CEP128: variants seen among roughly 807,000 people sequenced by gnomAD.
The protein encoded by CEP128 is centrosomal protein 128kDa.
In CEP128, 132 loss-of-function variants were observed where a neutral mutation model predicts 156.7. That is an observed-to-expected ratio of 0.84 (90% CI 0.73 to 0.97). CEP128 has a LOEUF of 0.97. Among genes scored for constraint, CEP128 ranks in the 50% least tolerant of loss-of-function variants. The pLI, the probability that CEP128 is intolerant of heterozygous loss-of-function variation, is 0.00. For synonymous variants in CEP128, 469 were observed against 448.9 expected (o/e 1.04, Z -0.57); for missense variants, 1,252 against 1,281.9 (o/e 0.98, Z 0.36).
At chr14:80,838,901 C>A (rs558879372) in intron 10 of CEP128, among the ~76,000 whole-genome samples, 42 of 151,920 alleles carry the variant, frequency 2.8e-4, no homozygotes, top group African/African-American at 8.5e-4. Flanking sequence ...AGATCAAGAC[C>A]ATCCTGGCTA....
intron 13 of CEP128, among the ~76,000 whole-genome samples, chr14:80,815,524 A>G (rs1884800907): frequency 6.6e-6 from 1 of 152,232 alleles, no homozygotes; most frequent in Admixed American, 6.5e-5. Flanking sequence ...AAAAATAACT[A>G]AAAAATAGAA....
At chr14:80,709,798 T>C (rs1057075536) in intron 19 of CEP128, among the ~76,000 whole-genome samples, 6 of 152,192 alleles carry the variant, frequency 3.9e-5, no homozygotes, top group African/African-American at 1.4e-4. Flanking sequence ...TTTATTTTCT[T>C]TATCAATAAA....
At chr14:80,858,990 G>A (rs1015075797) in intron 9 of CEP128, among the ~76,000 whole-genome samples, 69 of 151,842 alleles carry the variant, frequency 4.5e-4, no homozygotes, top group African/African-American at 1.4e-3. Context: ...TCAGTGTGGC[G>A]ATTCCTCAGG....
intron 18 of CEP128, among the ~76,000 whole-genome samples, chr14:80,743,871 TCA>T (rs1378811498): frequency 1.3e-5 from 2 of 148,868 alleles, no homozygotes; most frequent in Non-Finnish European, 3.0e-5. Flanking sequence ...TCTCTCTCTC[TCA>T]CTCTTTTTTT....
intron 14 of CEP128, among the ~76,000 whole-genome samples, chr14:80,483,306 A>G (rs1372061686): frequency 3.3e-5 from 5 of 152,246 alleles, no homozygotes; most frequent in African/African-American, 1.2e-4. Context: ...TCAGGCCTTC[A>G]GCTGTAGACT....
intron 14 of CEP128, among the ~76,000 whole-genome samples, chr14:80,480,576 G>A (rs1887033057): frequency 3.3e-5 from 5 of 152,198 alleles, no homozygotes; most frequent in African/African-American, 9.6e-5. Flanking sequence ...TGATGGGAGG[G>A]GCTGCCGAGA....
chr14:80,637,268 G>A (rs879404512), intron 19 of CEP128, among the ~76,000 whole-genome samples: 5 of 152,052 alleles, frequency 3.3e-5, no homozygotes, highest in African/African-American at 1.2e-4. Context: ...TATGCAAGGG[G>A]ATATTAAGGT....
At chr14:80,627,834 G>C (rs2140705005) in intron 19 of CEP128, among the ~76,000 whole-genome samples, 1 of 148,956 alleles carries the variant, frequency 6.7e-6, no homozygotes, top group African/African-American at 2.5e-5. Context: ...TGAGGTTTTT[G>C]GTGTTAGATG....
intron 12 of CEP128, 130 bp from the exon 13 acceptor site, chr14:80,831,424 G>T: frequency 1.1e-6 from 1 of 894,950 alleles, no homozygotes; most frequent in Non-Finnish European, 1.6e-6. Flanking sequence ...TTACTCAACA[G>T]ACTTTGCCAG....
chr14:80,615,528 A>G (rs1375799732), intron 19 of CEP128, among the ~76,000 whole-genome samples: 2 of 152,234 alleles, frequency 1.3e-5, no homozygotes, highest in African/African-American at 2.4e-5. Context: ...GAAGACTGTA[A>G]TCCAGAGGGG....
chr14:80,509,985 T>C (rs969247201), intron 23 of CEP128, among the ~76,000 whole-genome samples: 17 of 152,200 alleles, frequency 1.1e-4, no homozygotes, highest in African/African-American at 4.1e-4. Flanking sequence ...GGTCTATGTG[T>C]CTGTTTTTAT....
intron 19 of CEP128, among the ~76,000 whole-genome samples, chr14:80,649,724 C>G (rs191402366): frequency 7.9e-5 from 12 of 152,052 alleles, no homozygotes; most frequent in Admixed American, 6.6e-4. Flanking sequence ...TGGATCTAGT[C>G]CTGATGGAAA....
chr14:80,819,610 C>G (rs1885057443), intron 13 of CEP128, among the ~76,000 whole-genome samples: 2 of 152,112 alleles, frequency 1.3e-5, no homozygotes, highest in South Asian at 4.1e-4. Context: ...ACCTTATTAC[C>G]TCCCCAAGTC....
chr14:80,535,805 C>T (rs1889458597), intron 21 of CEP128, among the ~76,000 whole-genome samples: 2 of 152,190 alleles, frequency 1.3e-5, no homozygotes, highest in Non-Finnish European at 1.5e-5. Context: ...CAAAGGTAGA[C>T]TTACCATGTT....
chr14:80,527,289 A>G (rs951649011), intron 22 of CEP128: 5 of 459,708 alleles, frequency 1.1e-5, no homozygotes, highest in African/African-American at 9.9e-5. Context: ...AACTAGTCAG[A>G]TATGGTGGTG....
At chr14:80,827,049 GT>G (rs999804406) in intron 13 of CEP128, among the ~76,000 whole-genome samples, 3 of 151,946 alleles carry the variant, frequency 2.0e-5, no homozygotes, top group African/African-American at 7.3e-5. Context: ...TCCTTCCATT[GT>G]TTTTTTAAGA....
rs181925582 is a variant in CEP128 at position 80,680,025 on chromosome 14, C to T, written c.2806+63050G>A. On this transcript the variant is annotated intron_variant, in intron 19 of 24. Transcript: ENST00000555265. The stretch of plus-strand genomic sequence containing the variant: ...CAAAGTCAGCCAGTCTGTGTGGCAG[C>T]GTAGTTGCGCATGCATTTTAGTCTT... Among the ~76,000 whole-genome samples the T allele has an allele frequency of 1.9e-4, 29 of 152,286 alleles. No individual in the cohort carries two copies. The East Asian group carries it at 5.4e-3, about 28-fold the overall frequency.
intron 18 of CEP128, among the ~76,000 whole-genome samples, chr14:80,748,384 G>A (rs1024626124): frequency 2.0e-5 from 3 of 152,034 alleles, no homozygotes; most frequent in East Asian, 1.9e-4. Flanking sequence ...AAGCACTAAC[G>A]AAGAATACAG....
chr14:80,815,835 T>C (rs962607734), intron 13 of CEP128, among the ~76,000 whole-genome samples: 7 of 152,110 alleles, frequency 4.6e-5, no homozygotes, highest in African/African-American at 1.7e-4. Flanking sequence ...AAACAGAAAG[T>C]CAAATACTGC....
Sources: allele counts gnomAD v4.1 joint callset (sites outside exome capture counted in the v4.1 genomes callset), GRCh38; gene constraint gnomAD v4.1.1; transcripts MANE v1.5; gene names NCBI Gene and HGNC (gene_info 2026-07-23, HGNC 2026-07-21).